ICA1: variants seen among roughly 807,000 people sequenced by gnomAD.
ICA1 encodes 69 kDa islet cell autoantigen.
ICA1 carries 40 observed loss-of-function variants against 71.0 expected under a neutral mutation model. The ratio of observed to expected loss-of-function variants is 0.56; its 90% confidence interval spans 0.44 to 0.73. The LOEUF (loss-of-function observed/expected upper bound fraction) is 0.73, where lower values mean the gene tolerates loss of function less well. Among genes scored for constraint, ICA1 ranks in the 30% least tolerant of loss-of-function variants. The pLI is 0.00. For missense variants in ICA1, 578 were observed against 576.5 expected (o/e 1.00, Z -0.03); for synonymous variants, 207 against 209.5 (o/e 0.99, Z 0.10).
At chr7:8,245,302 T>C (rs1805548779) in intron 1 of ICA1, among the ~76,000 whole-genome samples, 1 of 150,080 alleles carries the variant, frequency 6.7e-6, no homozygotes. Context: ...GAGCAAACTA[T>C]CACAAGGACA....
intron 8 of ICA1, among the ~76,000 whole-genome samples, chr7:8,145,764 A>ATATATATATATATATATATATGTATG (rs55971486): frequency 7.3e-6 from 1 of 136,322 alleles, no homozygotes; most frequent in East Asian, 2.0e-4. Context: ...ATATATATAT[A>ATATATATATATATATATATATGTATG]TATGTATATA....
intron 6 of ICA1, among the ~76,000 whole-genome samples, chr7:8,212,245 T>C (rs1031306242): frequency 6.6e-6 from 1 of 152,122 alleles, no homozygotes; most frequent in Non-Finnish European, 1.5e-5. Flanking sequence ...GACACTTCTC[T>C]ACAGAAGAGC....
chr7:8,177,307 T>C (rs1464556170), intron 6 of ICA1, among the ~76,000 whole-genome samples: 1 of 152,204 alleles, frequency 6.6e-6, no homozygotes, highest in Non-Finnish European at 1.5e-5. Context: ...ACATTCTTAA[T>C]GTTTGCTCAG....
At chr7:8,259,193 GGA>G (rs1811342181) in intron 1 of ICA1, among the ~76,000 whole-genome samples, 1 of 152,186 alleles carries the variant, frequency 6.6e-6, no homozygotes, top group African/African-American at 2.4e-5. Context: ...ACATACTCAT[GGA>G]GATCTTGTTA....
At chr7:8,246,886 AC>A (rs750362612) in intron 1 of ICA1, among the ~76,000 whole-genome samples, 4 of 152,250 alleles carry the variant, frequency 2.6e-5, no homozygotes, top group Admixed American at 6.5e-5. Context: ...AGCTGGAACT[AC>A]AGGCATGTGC....
At chr7:8,141,669 A>G in intron 10 of ICA1, 96 bp downstream of exon 10, 2 of 716,144 alleles carry the variant, frequency 2.8e-6, no homozygotes, top group Non-Finnish European at 4.7e-6. Context: ...AAAAAGAAGA[A>G]AGGCCTAGGA....
chr7:8,140,171 T>G (rs180726667), intron 10 of ICA1, among the ~76,000 whole-genome samples: 520 of 152,320 alleles, frequency 3.4e-3, no homozygotes, highest in Non-Finnish European at 6.1e-3. Context: ...ACCCATGTTT[T>G]CCTATCCAAT....
Position 8,222,216 on chromosome 7 carries a change from A to G in ICA1, c.257-818T>C, listed in dbSNP as rs1797328376. The stretch of plus-strand genomic sequence containing the variant: ...CATAGCATCATTATTTATAATAGTG[A>G]AACACTCTCCTTATACTAGGAACTA... On this transcript the variant is annotated intron_variant, in intron 4 of 13. Coordinates refer to ENST00000402384, the MANE Select transcript of ICA1 (RefSeq NM_001136020.3). This position sits in a 1 kb window ranked among gnomAD's most constrained non-coding sequence, Gnocchi z 4.8. Among the ~76,000 whole-genome samples, 1 of 152,176 alleles carries G rather than the reference A, an allele frequency of 6.6e-6. No individual in the cohort carries two copies. Among genetic ancestry groups the G allele is most frequent in the Non-Finnish European group, 1.5e-5 (1 of 68,034 alleles).
intron 6 of ICA1, among the ~76,000 whole-genome samples, chr7:8,197,229 T>TA (rs1443208837): frequency 6.6e-6 from 1 of 151,408 alleles, no homozygotes; most frequent in African/African-American, 2.4e-5. Context: ...TTCAGACCCT[T>TA]AAAAAATGTC....
chr7:8,242,991 A>C (rs1169166020), intron 1 of ICA1, among the ~76,000 whole-genome samples: 1 of 152,208 alleles, frequency 6.6e-6, no homozygotes, highest in Admixed American at 6.5e-5. Context: ...AGAGGTACAA[A>C]GAGGAGCTGG....
At chr7:8,135,120 G>A (rs1439012186) in intron 12 of ICA1, among the ~76,000 whole-genome samples, 1 of 151,952 alleles carries the variant, frequency 6.6e-6, no homozygotes, top group Non-Finnish European at 1.5e-5. Flanking sequence ...TCCGCCTCCC[G>A]GGTTCAAGCG....
chr7:8,248,627 G>A (rs1435623508), intron 1 of ICA1, among the ~76,000 whole-genome samples: 3 of 152,132 alleles, frequency 2.0e-5, no homozygotes, highest in African/African-American at 7.2e-5. Context: ...GAGGTGGGAG[G>A]ATCGCTTGAG....
intron 1 of ICA1, among the ~76,000 whole-genome samples, chr7:8,244,186 G>T (rs573311697): frequency 6.6e-6 from 1 of 152,292 alleles, no homozygotes; most frequent in African/African-American, 2.4e-5. Flanking sequence ...AACCAAAACA[G>T]CATGGTACTG....
chr7:8,133,829 C>T (rs1247196295), intron 12 of ICA1, among the ~76,000 whole-genome samples: 1 of 149,294 alleles, frequency 6.7e-6, no homozygotes, highest in Non-Finnish European at 1.5e-5. Context: ...TGATTTGTCC[C>T]AGTGAGAAAA....
chr7:8,234,624 G>A lies in ICA1; in HGVS notation c.17+1286C>T, dbSNP rs2128467860. On this transcript the variant is annotated intron_variant, in intron 2 of 13. Transcript: ENST00000402384. This position sits in a 1 kb window ranked among gnomAD's most constrained non-coding sequence, Gnocchi z 4.5. ...TAAAAAGCCAGAAGGCATTTCTGAT[G>A]ACTTCCTTAACAATGGTTATCTTTG... 6.6e-6 allele frequency among the ~76,000 whole-genome samples: 1 copy of A among 152,288 alleles called. No individual in the cohort carries two copies. Among genetic ancestry groups the A allele is most frequent in the Non-Finnish European group, 1.5e-5 (1 of 68,030 alleles).
At chr7:8,156,366 T>C (rs1308930892) in intron 8 of ICA1, among the ~76,000 whole-genome samples, 2 of 152,242 alleles carry the variant, frequency 1.3e-5, no homozygotes, top group African/African-American at 4.8e-5. Context: ...AGTTCATGCC[T>C]CGTTTTCTTC....
In ICA1 at chr7:8,261,712, C is replaced by A. The variant is rs528546227; in HGVS notation, c.-80+382G>T. On this transcript the variant is annotated intron_variant, in intron 1 of 13. Transcript: ENST00000402384. ...CCCTGCCCACCAGGGAGCTCGGGGT[C>A]CTGGGGCCGGAGCCGCCGGGAAGGC... Among the ~76,000 whole-genome samples the A allele has an allele frequency of 2.1e-5, 3 of 144,290 alleles. No individual in the cohort carries two copies. In the South Asian group the frequency reaches 7.4e-4, roughly 36 times the overall value. 94.7% of individuals were successfully genotyped at this position (144,290 alleles called of 152,430 possible). A position where few individuals can be genotyped will look rare whatever the true frequency, so the allele number is the denominator to read the frequency against.
rs1791151117 is a variant in ICA1 at position 8,130,756 on chromosome 7, T to C, written c.1061-2614A>G. Among the ~76,000 whole-genome samples, 1 of 152,242 alleles carries C rather than the reference T, an allele frequency of 6.6e-6. No individual in the cohort carries two copies. The highest frequency in any genetic ancestry group is 6.5e-5 in the Admixed American group (1 of 15,286). On this transcript the variant is annotated intron_variant, in intron 12 of 13. Coordinates refer to ENST00000402384, the MANE Select transcript of ICA1 (RefSeq NM_001136020.3). This position sits in a 1 kb window ranked among gnomAD's most constrained non-coding sequence, Gnocchi z 4.2. ...GTCCAGGGAAGATCATCATTAACAT[T>C]AGCAAGAACAAATAATAAACTGTAA...
intron 1 of ICA1, among the ~76,000 whole-genome samples, chr7:8,236,315 G>A (rs1479888867): frequency 1.3e-5 from 2 of 152,158 alleles, no homozygotes; most frequent in Non-Finnish European, 2.9e-5. Context: ...ATGTTGTTGA[G>A]GTATACAATA....
Sources: gnomAD v4.1 joint callset for allele counts (sites outside exome capture counted in the v4.1 genomes callset) on GRCh38, gnomAD v4.1.1 for gene constraint, Gnocchi (gnomAD v3.1) non-coding constraint, MANE v1.5 for transcripts, NCBI Gene and HGNC (gene_info 2026-07-23, HGNC 2026-07-21) for gene names.